FLNB: variants seen among roughly 807,000 people sequenced by gnomAD.
FLNB encodes filamin B.
A neutral mutation model predicts 250.6 loss-of-function variants in FLNB; 111 were observed. That is an observed-to-expected ratio of 0.44 (90% confidence interval 0.38 to 0.52). The LOEUF (loss-of-function observed/expected upper bound fraction) is 0.52, where lower values mean the gene tolerates loss of function less well. FLNB is among the 20% of genes least tolerant of loss of function. FLNB has a pLI of 0.00. For synonymous variants in FLNB, 1,302 were observed against 1,372.1 expected (o/e 0.95, Z 1.13); for missense variants, 2,869 against 3,447.8 (o/e 0.83, Z 4.20).
intron 1 of FLNB, among the ~76,000 whole-genome samples, chr3:58,041,395 G>A (rs1295127474): frequency 6.6e-6 from 1 of 152,170 alleles, no homozygotes; most frequent in Non-Finnish European, 1.5e-5. Context: ...GGTGTGCTGG[G>A]TTAGTCTGTG....
chr3:58,145,404 G>A (rs552969621), intron 32 of FLNB, among the ~76,000 whole-genome samples: 5 of 151,882 alleles, frequency 3.3e-5, no homozygotes, highest in Non-Finnish European at 7.4e-5. Flanking sequence ...TTATTTAACC[G>A]GTCCCCTGTT....
intron 18 of FLNB, 144 bp from the exon 19 acceptor site, chr3:58,118,728 G>A: frequency 1.4e-6 from 1 of 729,764 alleles, no homozygotes; most frequent in Non-Finnish European, 2.5e-6. Context: ...AAAGCTAGAA[G>A]AAATAGATCT....
intron 28 of FLNB, among the ~76,000 whole-genome samples, chr3:58,136,628 C>A (rs575953698): frequency 6.6e-6 from 1 of 152,080 alleles, no homozygotes; most frequent in East Asian, 1.9e-4. Flanking sequence ...ATATGTAAAC[C>A]TCTCAGGAAT....
rs1212249362 is a variant in FLNB at position 58,077,131 on chromosome 3, C to G, written c.378C>G (p.Pro126=). ...TLILHYSISM[P]VWEDEGDDDA... ...TCCTCCACTACTCCATCTCCATGCC[C>G]GTGTGGGAGGATGAAGGGGATGATG... The change falls in exon 2 of 46, where the codon CCC becomes CCG. Residue 126 remains proline, a synonymous_variant. Coordinates refer to ENST00000295956, the MANE Select transcript of FLNB (RefSeq NM_001457.4). The G allele has an allele frequency of 1.2e-6, 2 of 1,613,984 alleles. No homozygotes were observed. The highest frequency in any genetic ancestry group is 2.2e-5 in the East Asian group (1 of 44,876).
Position 58,008,579 on chromosome 3 carries a change from G to A in FLNB, c.15G>A (p.Glu5=), listed in dbSNP as rs757329160. 6.2e-7 allele frequency: 1 copy of A among 1,600,664 alleles called. No homozygotes were observed. Among genetic ancestry groups the A allele is most frequent in the South Asian group, 1.1e-5 (1 of 89,612 alleles). Residue 5 remains glutamate, a synonymous_variant, in exon 1 of 46, where the codon GAG becomes GAA. Coordinates refer to ENST00000295956, the MANE Select transcript of FLNB (RefSeq NM_001457.4). The stretch of plus-strand genomic sequence containing the variant: ...CCGCCACCAGGATGCCGGTAACCGA[G>A]AAGGATCTAGCTGAGGACGCGCCTT... MPVT[E]KDLAEDAPWK...
intron 16 of FLNB, among the ~76,000 whole-genome samples, chr3:58,111,083 G>C (rs1160946812): frequency 6.6e-6 from 1 of 152,226 alleles, no homozygotes; most frequent in Non-Finnish European, 1.5e-5. Context: ...TATTTTGGTT[G>C]AAATGCAGTT....
At chr3:58,114,086 T>C (rs1309690190) in intron 18 of FLNB, among the ~76,000 whole-genome samples, 3 of 152,136 alleles carry the variant, frequency 2.0e-5, no homozygotes, top group African/African-American at 7.2e-5. Flanking sequence ...CCACTGTATG[T>C]ATATATGTTT....
At chr3:58,141,535 A>T (rs748157898) in intron 29 of FLNB, among the ~76,000 whole-genome samples, 8 of 152,160 alleles carry the variant, frequency 5.3e-5, no homozygotes, top group African/African-American at 9.7e-5. Context: ...TTCCAGATGG[A>T]CATTGGGTTG....
chr3:58,077,229 C>T lies in FLNB; in HGVS notation c.476C>T (p.Thr159Ile), dbSNP rs772013221. ...AACAAGATCCCCTACTTGCCCATCA[C>T]CAACTTTAACCAGAACTGGCAAGAC... The part of the protein sequence containing the change: ...IQNKIPYLPI[T>I]NFNQNWQDGK... The change falls in exon 2 of 46, where the codon ACC becomes ATC. Residue 159 changes from threonine (T) to isoleucine (I), a missense_variant. This residue lies in a region of FLNB where 308 missense variants were observed against 466.1 expected (regional missense o/e 0.66). Coordinates refer to ENST00000295956, the MANE Select transcript of FLNB (RefSeq NM_001457.4). 1 of 1,614,170 alleles carries T rather than the reference C, an allele frequency of 6.2e-7. No homozygotes were observed. The highest frequency in any genetic ancestry group is 1.7e-5 in the Admixed American group (1 of 60,026).
chr3:58,056,671 G>A (rs1369635441), intron 1 of FLNB, among the ~76,000 whole-genome samples: 2 of 151,982 alleles, frequency 1.3e-5, no homozygotes, highest in East Asian at 3.9e-4. Context: ...GCATGACCTC[G>A]GCTCACTGCA....
At chr3:58,023,034 C>T (rs1038446795) in intron 1 of FLNB, among the ~76,000 whole-genome samples, 7 of 151,126 alleles carry the variant, frequency 4.6e-5, no homozygotes, top group African/African-American at 1.7e-4. Flanking sequence ...CAGCCTGGTC[C>T]TGAACTCCTG....
intron 20 of FLNB, among the ~76,000 whole-genome samples, chr3:58,122,397 G>T (rs1224508037): frequency 2.0e-5 from 3 of 151,372 alleles, no homozygotes; most frequent in Admixed American, 6.6e-5. Flanking sequence ...GGAGGCTGAG[G>T]TGGGATAATC....
chr3:58,103,843 G>C, intron 9 of FLNB, 116 bp from the exon 10 acceptor site: 1 of 1,310,676 alleles, frequency 7.6e-7, no homozygotes. Context: ...AGCCCACTTG[G>C]TTTTTATGTA....
chr3:58,092,754 A>G (rs191149356), intron 4 of FLNB, among the ~76,000 whole-genome samples: 88 of 152,330 alleles, frequency 5.8e-4, no homozygotes, highest in Non-Finnish European at 7.6e-4. Context: ...CTTACTGTAT[A>G]TGAGAGCCAC....
At position 58,126,735 on chromosome 3, in the gene FLNB, A is replaced by G. The variant is rs1336865273; in HGVS notation, c.4195A>G (p.Ile1399Val). Reference protein sequence around the residue: ...PFAPGDYDVNITYGGAHIPGS... With the variant: ...PFAPGDYDVNVTYGGAHIPGS... Reference sequence around the variant, plus strand: ...CGCACCGGGGGATTACGATGTTAATATCACATATGGAGGAGCCCACATCCC... The same window carrying G: ...CGCACCGGGGGATTACGATGTTAATGTCACATATGGAGGAGCCCACATCCC... The change falls in exon 24 of 46, where the codon ATC becomes GTC. Residue 1399 changes from isoleucine to valine, a missense_variant. Ile to Val is a conservative substitution (Grantham distance 29, BLOSUM62 3). Coordinates refer to ENST00000295956, the MANE Select transcript of FLNB (RefSeq NM_001457.4). 6 of 1,613,998 alleles carry G rather than the reference A, an allele frequency of 3.7e-6. No homozygotes were observed. In the East Asian group the frequency reaches 1.1e-4, roughly 30 times the overall value.
At position 58,096,164 on chromosome 3, in the gene FLNB, C is replaced by G. The variant is rs1403971401; in HGVS notation, c.930C>G (p.Asp310Glu). 4 of 1,613,876 alleles carry G rather than the reference C, an allele frequency of 2.5e-6. No homozygotes were observed. The Admixed American group carries it at 6.7e-5, about 27-fold the overall frequency. The part of the protein sequence containing the change: ...KEEAQVTPDS[D>E]KNKTYSVEYL... ...AGGCACAAGTGACCCCTGACAGTGA[C>G]AAGAACAAGACATACTCTGTGGAGT... Residue 310 changes from aspartate (D) to glutamate (E), a missense_variant, in exon 6 of 46, where the codon GAC (aspartate) becomes GAG (glutamate). By Grantham distance (45) the Asp-to-Glu change is conservative (BLOSUM62 2). Coordinates refer to ENST00000295956, the MANE Select transcript of FLNB (RefSeq NM_001457.4).
In FLNB at chr3:58,168,667, C is replaced by A; in HGVS notation, c.7417+9C>A. On this transcript the variant is annotated intron_variant, in intron 44 of 45. Coordinates refer to ENST00000295956, the MANE Select transcript of FLNB (RefSeq NM_001457.4). ...CAAGGCCAAGGTGACAGGTAACGAA[C>A]AACCACCTTCGGAGTTACTCTCCCT... 2 of 1,597,614 alleles carry A rather than the reference C, an allele frequency of 1.3e-6. No homozygotes were observed. Among genetic ancestry groups the A allele is most frequent in the South Asian group, 1.1e-5 (1 of 90,694 alleles).
chr3:58,032,229 G>A (rs1467262841), intron 1 of FLNB, among the ~76,000 whole-genome samples: 2 of 152,030 alleles, frequency 1.3e-5, no homozygotes, highest in Admixed American at 1.3e-4. Flanking sequence ...CACTGTGCCC[G>A]GCCTGTTTGT....
intron 1 of FLNB, among the ~76,000 whole-genome samples, chr3:58,014,477 G>A (rs1230094962): frequency 1.3e-5 from 2 of 152,230 alleles, no homozygotes; most frequent in Non-Finnish European, 2.9e-5. Context: ...TCCCAGCAAC[G>A]GCGGAGCCAG....
Sources: allele counts gnomAD v4.1 joint callset (sites outside exome capture counted in the v4.1 genomes callset), GRCh38; gene constraint gnomAD v4.1.1; regional missense constraint gnomAD v4.1.1; transcripts MANE v1.5; gene names NCBI Gene and HGNC (gene_info 2026-07-23, HGNC 2026-07-21).